The following KNDC1 variants were observed in gnomAD, a reference collection of about 807,000 sequenced individuals.
KNDC1 encodes the protein kinase non-catalytic C-lobe domain containing 1, also known as kinase non-catalytic C-lobe domain-containing protein 1.
A neutral mutation model predicts 172.8 loss-of-function variants in KNDC1; 106 were observed. The observed-to-expected ratio is 0.61, with a 90% confidence interval of 0.52 to 0.72. The LOEUF (loss-of-function observed/expected upper bound fraction) is 0.72. Among genes scored for constraint, KNDC1 ranks in the 30% least tolerant of loss-of-function variants. The probability of loss-of-function intolerance (pLI) is 0.00; values close to 1 mark genes in which losing one functional copy is unlikely to be tolerated. For synonymous variants in KNDC1, 1,083 were observed against 1,062.2 expected, an observed-to-expected ratio of 1.02 and a Z score of -0.38; for missense variants, 2,325 against 2,394.5, an observed-to-expected ratio of 0.97 and a Z score of 0.61.
In KNDC1 at chr10:133,224,650, C is replaced by T. The variant is rs768849723; in HGVS notation, c.5019-9C>T. ...TGCAAACTAACGTCTCTTCTTTCCT[C>T]AACGGAAGGAACATCGCAAAGGTGG... On this transcript the variant is annotated splice_polypyrimidine_tract_variant and intron_variant, in intron 29 of 29. Transcript: ENST00000304613. This position sits in a 1 kb window ranked among gnomAD's most constrained non-coding sequence, Gnocchi z 5.4. The T allele has an allele frequency of 1.6e-5, 25 of 1,610,972 alleles. No homozygotes were observed. The highest frequency in any genetic ancestry group is 2.7e-5 in the African/African-American group (2 of 74,854).
At chr10:133,170,295 C>T (rs1853334521) in intron 3 of KNDC1, among the ~76,000 whole-genome samples, 1 of 152,168 alleles carries the variant, frequency 6.6e-6, no homozygotes, top group Non-Finnish European at 1.5e-5. Flanking sequence ...CAACTGCAGG[C>T]CCGAGAACAC....
In KNDC1 at chr10:133,186,172, G is replaced by A. The variant is rs200461756; in HGVS notation, c.824G>A (p.Arg275Gln). ...TPVRNGESHS[R>Q]EGLAGLVLDA... ...GTGAGAAATGGCGAGAGCCACAGCCGGGAGGGGCTGGCCGGCCTCGTCCTG... is the reference window on the plus strand; with the variant it reads ...GTGAGAAATGGCGAGAGCCACAGCCAGGAGGGGCTGGCCGGCCTCGTCCTG... Residue 275 changes from arginine (R) to glutamine (Q), a missense_variant, in exon 6 of 30, where the codon CGG becomes CAG. Physicochemically the swap from Arg to Gln is conservative, Grantham distance 43 (BLOSUM62 1). Coordinates refer to ENST00000304613, the MANE Select transcript of KNDC1 (RefSeq NM_152643.8). The A allele has an allele frequency of 4.1e-5, 64 of 1,578,364 alleles. No homozygotes were observed. The highest frequency in any genetic ancestry group is 3.4e-4 in the Middle Eastern group (2 of 5,878).
intron 11 of KNDC1, among the ~76,000 whole-genome samples, 178 bp downstream of exon 11, chr10:133,197,313 C>A (rs1854221472): frequency 7.3e-6 from 1 of 137,462 alleles, no homozygotes; most frequent in African/African-American, 2.6e-5. Flanking sequence ...CATCTAAAGG[C>A]CCCACAGTGG....
At chr10:133,212,682 G>A in intron 23 of KNDC1, 34 bp from the exon 24 acceptor site, 3 of 1,591,896 alleles carry the variant, frequency 1.9e-6, no homozygotes, top group South Asian at 1.1e-5. Flanking sequence ...GGGACACGGA[G>A]CTTAGGCCCC....
chr10:133,167,001 C>T (rs915498861), intron 1 of KNDC1, among the ~76,000 whole-genome samples: 3 of 152,182 alleles, frequency 2.0e-5, no homozygotes, highest in Non-Finnish European at 4.4e-5. Context: ...ATGTCCACTC[C>T]GTCGCCTCGC....
chr10:133,186,789 C>T (rs754275663), intron 6 of KNDC1, 115 bp downstream of exon 6: 100 of 730,522 alleles, frequency 1.4e-4, no homozygotes, highest in Non-Finnish European at 1.8e-4. Context: ...CCTTCACCCT[C>T]GCTCCATAAT....
Position 133,207,219 on chromosome 10 carries a change from T to C in KNDC1, c.3662T>C (p.Leu1221Pro). 3 of 1,612,652 alleles carry C rather than the reference T, an allele frequency of 1.9e-6. No individual in the cohort carries two copies. Among genetic ancestry groups the C allele is most frequent in the Non-Finnish European group, 2.5e-6 (3 of 1,179,924 alleles). Residue 1221 changes from leucine (L) to proline (P), a missense_variant, in exon 20 of 30, where the codon CTG (leucine) becomes CCG (proline). By Grantham distance (98) the Leu-to-Pro change is moderately conservative. Coordinates refer to ENST00000304613, the MANE Select transcript of KNDC1 (RefSeq NM_152643.8). ...ATCGCGGCCGCACCCTGCGACACGC[T>C]GGACTTCAGCCCCCTGGACGAGTCC... ...VNIAAAPCDTLDFSPLDESSS... is the reference protein window; with the variant it reads ...VNIAAAPCDTPDFSPLDESSS...
Position 133,186,487 on chromosome 10 carries a change from G to A in KNDC1, c.1139G>A (p.Gly380Asp). 6.2e-7 allele frequency: 1 copy of A among 1,612,280 alleles called. No homozygotes were observed. The highest frequency in any genetic ancestry group is 1.1e-5 in the South Asian group (1 of 91,056). The change falls in exon 6 of 30, where the codon GGC becomes GAC. Residue 380 changes from glycine to aspartate, a missense_variant. Transcript: ENST00000304613. ...CAGCTGGGACGGGTTCCCTGTGCAG[G>A]CCGCAGCACGGACAGGGGCCCTGGG... ...EHQLGRVPCA[G>D]RSTDRGPGVP... is the part of the protein sequence containing the mutation.
At chr10:133,172,100 T>C (rs534265284) in intron 3 of KNDC1, among the ~76,000 whole-genome samples, 1 of 152,212 alleles carries the variant, frequency 6.6e-6, no homozygotes, top group Admixed American at 6.5e-5. Flanking sequence ...TCTTACTTGA[T>C]GCAGCAGGGA....
intron 20 of KNDC1, among the ~76,000 whole-genome samples, chr10:133,207,677 T>C (rs972900902): frequency 6.6e-6 from 1 of 152,218 alleles, no homozygotes; most frequent in African/African-American, 2.4e-5. Context: ...CTCGGCGATG[T>C]GGCCTGGACT....
intron 24 of KNDC1, 130 bp downstream of exon 24, chr10:133,213,052 G>A: frequency 1.2e-6 from 1 of 832,452 alleles, no homozygotes; most frequent in Non-Finnish European, 1.8e-6. Context: ...GCTGCCAGGT[G>A]CACAGGTTGG....
rs771468292 is a variant in KNDC1 at position 133,211,675 on chromosome 10, C to T, written c.4057-4C>T. The stretch of plus-strand genomic sequence containing the variant: ...GACCCCCCCACCACTGTGCTTCTGC[C>T]TAGATCCTACCCCTGGACGGCTCTG... On this transcript the variant is annotated splice_region_variant and splice_polypyrimidine_tract_variant and intron_variant, in intron 22 of 29. Transcript: ENST00000304613. The T allele has an allele frequency of 6.3e-7, 1 of 1,595,290 alleles. No individual in the cohort carries two copies. Among genetic ancestry groups the T allele is most frequent in the East Asian group, 2.2e-5 (1 of 44,644 alleles).
chr10:133,165,338 C>T (rs563578922), intron 1 of KNDC1, among the ~76,000 whole-genome samples: 36 of 152,356 alleles, frequency 2.4e-4, no homozygotes, highest in Non-Finnish European at 2.9e-4. Context: ...AGCAGGAGGG[C>T]GTGCTGTGTG....
chr10:133,189,377 G>A (rs954044469), intron 7 of KNDC1, among the ~76,000 whole-genome samples: 2 of 152,202 alleles, frequency 1.3e-5, no homozygotes, highest in African/African-American at 4.8e-5. Flanking sequence ...CCACTGTGTC[G>A]GCTGGGGCAG....
chr10:133,199,871 G>A (rs1298482303), intron 15 of KNDC1, among the ~76,000 whole-genome samples: 3 of 152,138 alleles, frequency 2.0e-5, no homozygotes, highest in East Asian at 1.9e-4. Context: ...GGGGCTCTCC[G>A]GGAGGCTGCA....
At chr10:133,200,492 T>G in intron 16 of KNDC1, 32 bp downstream of exon 16, 1 of 1,457,576 alleles carries the variant, frequency 6.9e-7, no homozygotes, top group Non-Finnish European at 9.1e-7. Flanking sequence ...CGGCAGGAGC[T>G]CTGCTGGGCG....
chr10:133,213,841 G>A (rs1025610074), intron 25 of KNDC1, 114 bp downstream of exon 25: 28 of 1,434,660 alleles, frequency 2.0e-5, no homozygotes, highest in South Asian at 1.0e-4. Context: ...CCAGAGACGC[G>A]AGAGAGTGGT....
At chr10:133,160,669 C>A in intron 1 of KNDC1, 100 bp downstream of exon 1, 4 of 704,854 alleles carry the variant, frequency 5.7e-6, no homozygotes, top group Non-Finnish European at 8.8e-6. Flanking sequence ...CTCCCGCCTC[C>A]CCAGGCGCCC....
chr10:133,218,009 G>A (rs1174863786), intron 26 of KNDC1, among the ~76,000 whole-genome samples: 7 of 150,948 alleles, frequency 4.6e-5, no homozygotes, highest in African/African-American at 1.7e-4. Flanking sequence ...GCACCGAGCC[G>A]AGATCGCGCC....
Sources: allele counts gnomAD v4.1 joint callset (sites outside exome capture counted in the v4.1 genomes callset), GRCh38; gene constraint gnomAD v4.1.1; non-coding constraint Gnocchi (gnomAD v3.1); transcripts MANE v1.5; gene names NCBI Gene and HGNC (gene_info 2026-07-23, HGNC 2026-07-21).